PKHD1L1: variants seen among roughly 807,000 people sequenced by gnomAD.
The protein encoded by PKHD1L1 is PKHD1 like 1.
PKHD1L1 carries 434 observed loss-of-function variants against 462.9 expected under a neutral mutation model. The observed-to-expected ratio is 0.94, with a 90% CI of 0.87 to 1.02. PKHD1L1 has a LOEUF of 1.02. Ranked by LOEUF, PKHD1L1 falls within the 50% of genes least tolerant of loss-of-function variation. The probability of loss-of-function intolerance (pLI) is 0.00; values close to 1 mark genes in which losing one functional copy is unlikely to be tolerated. For missense variants in PKHD1L1, 5,202 were observed against 5,096.1 expected (o/e 1.02, Z -0.63); for synonymous variants, 1,781 against 1,750.0 (o/e 1.02, Z -0.44).
In PKHD1L1 at chr8:109,400,333, C is replaced by T; in HGVS notation, c.1270C>T (p.Pro424Ser). ...YAIYFSQTGLPEDKVRIAYHS... is the reference protein window; with the variant it reads ...YAIYFSQTGLSEDKVRIAYHS... ...TATTTATTTTAGCCAGACTGGACTT[C>T]CAGAAGATAAGGTAGGGAAGCCTCA... is the stretch of plus-strand genomic sequence containing the variant. The change falls in exon 13 of 78, where the codon CCA (proline) becomes TCA (serine). Residue 424 changes from proline (P) to serine (S), a missense_variant. Physicochemically the swap from Pro to Ser is moderately conservative, Grantham distance 74. This residue lies in a region of PKHD1L1 where 4,497 missense variants were observed against 4,336.8 expected (regional missense o/e 1.04). Transcript: ENST00000378402. The T allele has an allele frequency of 6.2e-7, 1 of 1,612,502 alleles. No homozygotes were observed. The highest frequency in any genetic ancestry group is 1.1e-5 in the South Asian group (1 of 91,022).
rs1453009410 is a variant in PKHD1L1 at position 109,375,663 on chromosome 8, G to A, written c.164-5707G>A. On this transcript the variant is annotated intron_variant, in intron 2 of 77. Coordinates refer to ENST00000378402, the MANE Select transcript of PKHD1L1 (RefSeq NM_177531.6). ...ACCTTTGGTCTTTGATGATGGTGAC[G>A]TACAGATGGGTTTTTGGTGTGGATG... Among the ~76,000 whole-genome samples, 7 of 152,076 alleles carry A rather than the reference G, an allele frequency of 4.6e-5. No homozygotes were observed. The South Asian group carries it at 1.0e-3, about 22-fold the overall frequency.
At chr8:109,385,891 C>T (rs1812419793) in intron 6 of PKHD1L1, among the ~76,000 whole-genome samples, 3 of 152,036 alleles carry the variant, frequency 2.0e-5, no homozygotes. Context: ...AAGAAACACA[C>T]AGACAAGTCC....
At chr8:109,493,286 A>G (rs1818923944) in intron 62 of PKHD1L1, among the ~76,000 whole-genome samples, 1 of 150,250 alleles carries the variant, frequency 6.7e-6, no homozygotes, top group Non-Finnish European at 1.5e-5. Flanking sequence ...TCACTTTTTC[A>G]GTGATCACAA....
intron 41 of PKHD1L1, 26 bp from the exon 42 acceptor site, chr8:109,452,098 T>A: frequency 6.3e-7 from 1 of 1,591,606 alleles, no homozygotes; most frequent in East Asian, 2.3e-5. Context: ...AAAACATACA[T>A]GTTATGTTTT....
intron 9 of PKHD1L1, among the ~76,000 whole-genome samples, chr8:109,391,527 C>T (rs1345673442): frequency 6.6e-6 from 1 of 152,162 alleles, no homozygotes; most frequent in African/African-American, 2.4e-5. Context: ...TGGGCAGTAT[C>T]ATGATGTGCC....
rs1820845359 is a variant in PKHD1L1 at position 109,526,913 on chromosome 8, T to A, written c.12614T>A (p.Val4205Glu). Reference sequence around the variant, plus strand: ...AGCAGCAACAGCAAAGCATCAACTGTGGGTACATATGCCCAGATAATGACT... The same window carrying A: ...AGCAGCAACAGCAAAGCATCAACTGAGGGTACATATGCCCAGATAATGACT... ...SSSSNSKAST[V>E]GTYAQIMTVV... The change falls in exon 77 of 78, where the codon GTG becomes GAG. Residue 4205 changes from valine to glutamate, a missense_variant. Around this residue, in one of 3 missense-constraint regions of PKHD1L1, gnomAD observed 698 missense variants for 736.3 expected, o/e 0.95. Transcript: ENST00000378402. The A allele has an allele frequency of 3.1e-6, 5 of 1,613,372 alleles. No homozygotes were observed. Among genetic ancestry groups the A allele is most frequent in the Admixed American group, 1.7e-5 (1 of 59,916 alleles).
chr8:109,491,328 A>G (rs1818815052), intron 61 of PKHD1L1, among the ~76,000 whole-genome samples: 1 of 151,866 alleles, frequency 6.6e-6, no homozygotes, highest in African/African-American at 2.4e-5. Flanking sequence ...TTAATGGTAC[A>G]TAATTTAATT....
chr8:109,429,054 A>T (rs1363350264), intron 25 of PKHD1L1, among the ~76,000 whole-genome samples: 1 of 152,118 alleles, frequency 6.6e-6, no homozygotes, highest in Non-Finnish European at 1.5e-5. Context: ...TCATTTTTAG[A>T]TTTATTTTTT....
chr8:109,484,000 C>G (rs532960051), intron 57 of PKHD1L1, among the ~76,000 whole-genome samples: 36 of 151,912 alleles, frequency 2.4e-4, no homozygotes, highest in Admixed American at 1.4e-3. Context: ...ATTTCATCTC[C>G]AAGCTCTCAG....
chr8:109,442,010 A>G lies in PKHD1L1; in HGVS notation c.4208A>G (p.His1403Arg), dbSNP rs750123759. Residue 1403 changes from histidine to arginine, a missense_variant, in exon 35 of 78, where the codon CAT becomes CGT. By Grantham distance (29) the His-to-Arg change is conservative. Transcript: ENST00000378402. ...ATTACTCAATTCTTGCCCCCAGTACATGGATTAGGTTATGCCTGGTCACCA... is the reference window on the plus strand; with the variant it reads ...ATTACTCAATTCTTGCCCCCAGTACGTGGATTAGGTTATGCCTGGTCACCA... ...RITNNGKDSV[H>R]GLGYAWSPPV... The G allele has an allele frequency of 2.5e-6, 4 of 1,579,514 alleles. No homozygotes were observed. Among genetic ancestry groups the G allele is most frequent in the East Asian group, 2.3e-5 (1 of 44,142 alleles).
At chr8:109,377,203 A>C (rs1406326910) in intron 2 of PKHD1L1, among the ~76,000 whole-genome samples, 2 of 152,212 alleles carry the variant, frequency 1.3e-5, no homozygotes, top group Non-Finnish European at 2.9e-5. Context: ...ACATTTTGAA[A>C]ACTGCTAACA....
At chr8:109,410,072 A>G (rs1295459273) in intron 19 of PKHD1L1, 94 bp downstream of exon 19, 1 of 694,352 alleles carries the variant, frequency 1.4e-6, no homozygotes, top group Non-Finnish European at 2.2e-6. Context: ...TAGCATTAAT[A>G]ACTTTGTTAT....
chr8:109,474,983 G>A, intron 50 of PKHD1L1, 135 bp from the exon 51 acceptor site: 1 of 665,970 alleles, frequency 1.5e-6, no homozygotes, highest in Non-Finnish European at 2.4e-6. Flanking sequence ...GACTGTCATA[G>A]ACTAAACCAA....
intron 67 of PKHD1L1, among the ~76,000 whole-genome samples, chr8:109,500,673 C>CAAA (rs34827783): frequency 0.017 from 820 of 47,198 alleles, 36 homozygotes; most frequent in African/African-American, 0.06. Context: ...AACTCTGTCT[C>CAAA]AAAAAAAAAA....
intron 38 of PKHD1L1, among the ~76,000 whole-genome samples, chr8:109,447,306 ATTAT>A (rs1816201460): frequency 6.6e-6 from 1 of 152,170 alleles, no homozygotes; most frequent in Non-Finnish European, 1.5e-5. Context: ...AAATAAAATA[ATTAT>A]TTATATTTAA....
At chr8:109,483,400 C>CATATATGACTATAGATTAGTCATACA (rs1818368380) in intron 57 of PKHD1L1, among the ~76,000 whole-genome samples, 2 of 148,526 alleles carry the variant, frequency 1.3e-5, no homozygotes, top group African/African-American at 2.5e-5. Flanking sequence ...TATTTTATGA[C>CATATATGACTATAGATTAGTCATACA]ATATATGACT....
chr8:109,413,572 T>G (rs1813974578), intron 21 of PKHD1L1, 27 bp downstream of exon 21: 2 of 1,473,302 alleles, frequency 1.4e-6, no homozygotes, highest in Non-Finnish European at 1.8e-6. Flanking sequence ...ATTTGAAAAT[T>G]ACATTATACC....
At chr8:109,429,231 C>T (rs1814945320) in intron 25 of PKHD1L1, 109 bp from the exon 26 acceptor site, 40 of 968,634 alleles carry the variant, frequency 4.1e-5, no homozygotes, top group Non-Finnish European at 5.4e-5. Context: ...TTTTATTTTA[C>T]ATTCTTTGAC....
intron 25 of PKHD1L1, among the ~76,000 whole-genome samples, chr8:109,427,631 C>T (rs575761752): frequency 6.6e-6 from 1 of 152,188 alleles, no homozygotes; most frequent in African/African-American, 2.4e-5. Context: ...ATCTAATTAC[C>T]TTTCTTTAGT....
Sources: allele counts gnomAD v4.1 joint callset (sites outside exome capture counted in the v4.1 genomes callset), GRCh38; gene constraint gnomAD v4.1.1; regional missense constraint gnomAD v4.1.1; transcripts MANE v1.5; gene names NCBI Gene and HGNC (gene_info 2026-07-23, HGNC 2026-07-21).